The following ADGRE3 variants were observed in gnomAD, a reference collection of about 807,000 sequenced individuals.
ADGRE3 encodes the protein EGF-like module receptor 3.
In ADGRE3, 88 loss-of-function variants were observed where a neutral mutation model predicts 80.1. That is an observed-to-expected ratio of 1.10 (90% confidence interval 0.93 to 1.31). The LOEUF is 1.31. Ranked by LOEUF, ADGRE3 falls within the 40% of genes most tolerant of loss-of-function variation. ADGRE3 has a pLI of 0.00. For synonymous variants in ADGRE3, 281 were observed against 294.8 expected, an observed-to-expected ratio of 0.95 and a Z score of 0.48; for missense variants, 715 against 776.5, an observed-to-expected ratio of 0.92 and a Z score of 0.94.
the ADGRE3 span, chr19:14,607,137 C>T: frequency 1.9e-6 from 2 of 1,026,490 alleles, no homozygotes; most frequent in East Asian, 6.3e-5. Context: ...CTCTCTGCTT[C>T]CTCTGTGGGC....
At chr19:14,610,272 C>A in the ADGRE3 span, 1 of 1,526,722 alleles carries the variant, frequency 6.5e-7, no homozygotes. Context: ...TCGTGGACGG[C>A]CTTGCCTCTT....
In ADGRE3 at chr19:14,643,144, G is replaced by GTT. The variant is rs373306807; in HGVS notation, c.1050+962_1050+963dup. On this transcript the variant is annotated intron_variant, in intron 9 of 15. Coordinates refer to ENST00000253673, the MANE Select transcript of ADGRE3 (RefSeq NM_032571.5). ...CATGATGTGGTTTATAGTAATCATG[G>GTT]TTTTTTTTTTTTTTTTTTTTTAGAC... is the stretch of plus-strand genomic sequence containing the variant. Among the ~76,000 whole-genome samples the GTT allele has an allele frequency of 7.7e-4, 95 of 124,068 alleles. 1 individual carries two copies. The highest frequency in any genetic ancestry group is 4.3e-3 in the East Asian group (18 of 4,154). 81.4% of individuals were successfully genotyped at this position (124,068 alleles called of 152,430 possible). A position where few individuals can be genotyped will look rare whatever the true frequency, so the allele number is the denominator to read the frequency against.
rs749308035 is a variant in ADGRE3, at chr19:14,641,428, A to C, written c.1239T>G (p.Thr413=). ...HLLFLVGIDR[T]EPKVLCSIIA... ...GAGACACTGTCAGTACCTTGGGTTCAGTTCGATCAATCCCCACGAGGAAGA... is the reference window on the plus strand; with the variant it reads ...GAGACACTGTCAGTACCTTGGGTTCCGTTCGATCAATCCCCACGAGGAAGA... The change falls in exon 10 of 16, where the codon ACT becomes ACG. Residue 413 remains threonine (T), a synonymous_variant. Coordinates refer to ENST00000253673, the MANE Select transcript of ADGRE3 (RefSeq NM_032571.5). The C allele has an allele frequency of 1.9e-5, 30 of 1,614,026 alleles. No homozygotes were observed. The highest frequency in any genetic ancestry group is 2.5e-5 in the Non-Finnish European group (30 of 1,180,032).
intron 7 of ADGRE3, among the ~76,000 whole-genome samples, chr19:14,649,160 C>A (rs549374340): frequency 6.6e-6 from 1 of 150,890 alleles, no homozygotes; most frequent in Non-Finnish European, 1.5e-5. Flanking sequence ...CTTTCCATCT[C>A]TCTCCCCATC....
chr19:14,629,046 C>T (rs926104154), intron 14 of ADGRE3, among the ~76,000 whole-genome samples: 5 of 151,902 alleles, frequency 3.3e-5, no homozygotes, highest in Non-Finnish European at 5.9e-5. Context: ...CCTAGCCTCC[C>T]GAGCAGCTGG....
At chr19:14,643,144 GTTTTTTTT>G (rs373306807) in intron 9 of ADGRE3, among the ~76,000 whole-genome samples, 29,368 of 124,048 alleles carry the variant, frequency 0.24, 3,456 homozygotes, top group African/African-American at 0.34. Context: ...AGTAATCATG[GTTTTTTTT>G]TTTTTTTTTT....
At chr19:14,632,408 A>G (rs1410272626) in intron 13 of ADGRE3, among the ~76,000 whole-genome samples, 1 of 151,868 alleles carries the variant, frequency 6.6e-6, no homozygotes, top group East Asian at 1.9e-4. Flanking sequence ...TTCCCCTTTG[A>G]GTTTTAAAAC....
chr19:14,638,951 GA>G (rs1389513675), intron 10 of ADGRE3, among the ~76,000 whole-genome samples: 1 of 152,118 alleles, frequency 6.6e-6, no homozygotes, highest in African/African-American at 2.4e-5. Context: ...ACCCAGGCTG[GA>G]GTGCAGTGGC....
At chr19:14,663,394 T>A (rs538006601) in intron 3 of ADGRE3, 24 bp downstream of exon 3, 2 of 1,374,812 alleles carry the variant, frequency 1.5e-6, no homozygotes, top group African/African-American at 1.5e-5. Flanking sequence ...ATAATAATAA[T>A]AAAAAATAAT....
intron 14 of ADGRE3, 63 bp from the exon 15 acceptor site, chr19:14,625,662 G>A (rs983279987): frequency 7.2e-5 from 69 of 963,064 alleles, no homozygotes; most frequent in Non-Finnish European, 1.0e-4. Context: ...CAGAAAGGTC[G>A]GTGAGTCAGG....
intron 2 of ADGRE3, among the ~76,000 whole-genome samples, chr19:14,665,343 G>T (rs1244996429): frequency 3.3e-5 from 5 of 151,910 alleles, no homozygotes; most frequent in Non-Finnish European, 7.4e-5. Context: ...GATTACAGGC[G>T]TGAGCTACTG....
intron 2 of ADGRE3, among the ~76,000 whole-genome samples, chr19:14,665,920 A>ATATAC (rs1972081127): frequency 7.9e-6 from 1 of 126,116 alleles, no homozygotes; most frequent in African/African-American, 3.0e-5. Context: ...TATATATTGC[A>ATATAC]TATACACACA....
intron 6 of ADGRE3, 123 bp downstream of exon 6, chr19:14,654,859 A>C (rs770768065): frequency 5.8e-6 from 4 of 687,256 alleles, no homozygotes; most frequent in Non-Finnish European, 9.3e-6. Flanking sequence ...AATTTATATA[A>C]ATTTTTGTAA....
intron 7 of ADGRE3, among the ~76,000 whole-genome samples, chr19:14,647,732 AG>A (rs1971455987): frequency 6.6e-6 from 1 of 151,352 alleles, no homozygotes. Flanking sequence ...GTTTTTTAGA[AG>A]AGTTGTTCTC....
intron 7 of ADGRE3, 37 bp downstream of exon 7, chr19:14,651,048 C>T: frequency 2.5e-6 from 4 of 1,611,908 alleles, no homozygotes; most frequent in Non-Finnish European, 3.4e-6. Context: ...TGACATGGCT[C>T]TGTGTGAAGG....
intron 11 of ADGRE3, among the ~76,000 whole-genome samples, chr19:14,637,559 A>AT (rs35923982): frequency 0.11 from 15,530 of 146,546 alleles, 1,006 homozygotes; most frequent in African/African-American, 0.19. Flanking sequence ...ATGCTTGGCT[A>AT]TTTTTTTTTT....
In ADGRE3 at chr19:14,621,998, T is replaced by C. The variant is rs1970617369; in HGVS notation, c.1921-2527A>G. The C allele has an allele frequency of 4.9e-6, 5 of 1,028,162 alleles. 1 individual carries two copies. The South Asian group carries it at 8.1e-5, about 17-fold the overall frequency. The allele number at this position is 1,028,162 out of a possible 1,614,324, so 63.7% of individuals were successfully genotyped here. On this transcript the variant is annotated intron_variant, in intron 15 of 15. Transcript: ENST00000253673. ...AGGTTGGACCGGCTGGGGTAATTTG[T>C]CCCGACTTTCTACCTTGGTAATGTT...
rs548630547 is a variant in ADGRE3 at position 14,625,096 on chromosome 19, C to G, written c.1920+396G>C. Among the ~76,000 whole-genome samples, 3 of 152,266 alleles carry G rather than the reference C, an allele frequency of 2.0e-5. No individual in the cohort carries two copies. In the East Asian group the frequency reaches 5.8e-4, roughly 29 times the overall value. On this transcript the variant is annotated intron_variant, in intron 15 of 15. Coordinates refer to ENST00000253673, the MANE Select transcript of ADGRE3 (RefSeq NM_032571.5). ...TCAGGTTCAAGTGATTTTCCTGTCT[C>G]AGCCTCCCCAGTAGCTGGGACTACA...
the ADGRE3 span, among the ~76,000 whole-genome samples, chr19:14,603,548 C>T: frequency 6.6e-6 from 1 of 152,112 alleles, no homozygotes. Flanking sequence ...CAGCCTCCAT[C>T]TCCCAGGTTC....
Sources: gnomAD v4.1 joint callset for allele counts (sites outside exome capture counted in the v4.1 genomes callset) on GRCh38, gnomAD v4.1.1 for gene constraint, MANE v1.5 for transcripts, NCBI Gene and HGNC (gene_info 2026-07-23, HGNC 2026-07-21) for gene names.